Variants in PCMTD1 observed in about 807,000 individuals in gnomAD.
PCMTD1 encodes protein-L-isoaspartate (D-aspartate) O-methyltransferase domain containing 1, also known as protein-L-isoaspartate O-methyltransferase domain-containing protein 1.
In PCMTD1, 12 loss-of-function variants were observed where a neutral mutation model predicts 37.6. The ratio of observed to expected loss-of-function variants is 0.32; its 90% CI spans 0.20 to 0.52. The LOEUF is 0.52. PCMTD1 is among the 20% of genes least tolerant of loss of function. The pLI is 0.97. For missense variants in PCMTD1, 235 were observed against 421.3 expected (o/e 0.56, Z 3.87); for synonymous variants, 117 against 135.8 (o/e 0.86, Z 0.96).
chr8:51,824,858 G>A (rs990438999), intron 5 of PCMTD1, among the ~76,000 whole-genome samples: 47 of 152,236 alleles, frequency 3.1e-4, no homozygotes, highest in Middle Eastern at 3.4e-3. Flanking sequence ...ACAGACCAAT[G>A]GAAGAGAACA....
intron 1 of PCMTD1, among the ~76,000 whole-genome samples, chr8:51,869,120 T>C (rs2038602589): frequency 6.6e-6 from 1 of 152,202 alleles, no homozygotes; most frequent in Admixed American, 6.5e-5. Context: ...GAATTGATTA[T>C]AATTGATGTA....
At chr8:51,833,473 T>C (rs1227019505) in intron 4 of PCMTD1, 45 bp downstream of exon 4, 11 of 1,490,894 alleles carry the variant, frequency 7.4e-6, no homozygotes, top group Non-Finnish European at 1.0e-5. Flanking sequence ...TTAAACAAAT[T>C]TGCTTGCTTC....
At chr8:51,846,854 A>C (rs2038228770) in intron 2 of PCMTD1, among the ~76,000 whole-genome samples, 1 of 152,220 alleles carries the variant, frequency 6.6e-6, no homozygotes, top group Non-Finnish European at 1.5e-5. Context: ...GTTCAGATAT[A>C]ATCTTAAACC....
At position 51,819,599 on chromosome 8, in the gene PCMTD1, TAACCTCA is replaced by T. The variant is rs2129271439; in HGVS notation, c.*745_*751del. On this transcript the variant is annotated 3_prime_UTR_variant, in exon 6 of 6. Coordinates refer to ENST00000522514, the MANE Select transcript of PCMTD1 (RefSeq NM_052937.4). The stretch of plus-strand genomic sequence containing the variant: ...CTTTTAAAATTCTATAGAGTTAAGA[TAACCTCA>T]TTTTTTTAAATACTGAAAATGTAAA... 2.2e-5 allele frequency: 1 copy of T among 45,312 alleles called. No individual in the cohort carries two copies. Among genetic ancestry groups the T allele is most frequent in the Non-Finnish European group, 1.4e-4 (1 of 7,240 alleles). 2.8% of individuals were successfully genotyped at this position (45,312 alleles called of 1,614,324 possible).
In PCMTD1 at chr8:51,848,827, CTG is replaced by C. The variant is rs545090594; in HGVS notation, c.308-3066_308-3065del. 20 of 152,164 alleles carry C rather than the reference CTG, an allele frequency of 1.3e-4. No homozygotes were observed. In the South Asian group the frequency reaches 2.5e-3, roughly 19 times the overall value. 9.4% of individuals were successfully genotyped at this position (152,164 alleles called of 1,614,324 possible). Reference sequence around the variant, plus strand: ...CATTTATGATTTTTTATAGATGAAACTGTTTAATTTTCAATGACATGGAGGCA... The same window carrying C: ...CATTTATGATTTTTTATAGATGAAACTTTAATTTTCAATGACATGGAGGCA... On this transcript the variant is annotated intron_variant, in intron 2 of 5. Coordinates refer to ENST00000522514, the MANE Select transcript of PCMTD1 (RefSeq NM_052937.4).
chr8:51,823,093 G>A (rs2037871788), intron 5 of PCMTD1, among the ~76,000 whole-genome samples: 1 of 152,154 alleles, frequency 6.6e-6, no homozygotes, highest in Non-Finnish European at 1.5e-5. Context: ...ACCCAGCATG[G>A]AAAAAGATTC....
intron 4 of PCMTD1, among the ~76,000 whole-genome samples, chr8:51,832,937 C>T (rs1319303170): frequency 6.6e-6 from 1 of 152,194 alleles, no homozygotes; most frequent in African/African-American, 2.4e-5. Flanking sequence ...CCTCAACCTC[C>T]CGGGCTCAAG....
At chr8:51,847,161 AGT>A (rs1254759337) in intron 2 of PCMTD1, among the ~76,000 whole-genome samples, 8 of 152,212 alleles carry the variant, frequency 5.3e-5, no homozygotes, top group Non-Finnish European at 1.0e-4. Flanking sequence ...AGATAAACTG[AGT>A]AAAACTAAAA....
intron 2 of PCMTD1, chr8:51,848,835 T>C (rs1234591952): frequency 6.6e-6 from 1 of 152,166 alleles, no homozygotes; most frequent in East Asian, 1.9e-4. Flanking sequence ...AACTGTTTAA[T>C]TTTCAATGAC....
At chr8:51,889,835 G>A (rs1464972199) in intron 1 of PCMTD1, among the ~76,000 whole-genome samples, 5 of 151,562 alleles carry the variant, frequency 3.3e-5, no homozygotes, top group Non-Finnish European at 5.9e-5. Flanking sequence ...CCTGAGCTGT[G>A]CACCACAAAT....
intron 1 of PCMTD1, among the ~76,000 whole-genome samples, chr8:51,874,831 G>C (rs920825421): frequency 6.6e-6 from 1 of 152,126 alleles, no homozygotes; most frequent in Non-Finnish European, 1.5e-5. Flanking sequence ...CTGATCACTT[G>C]TTTATGCCTC....
rs9298462 is a variant in PCMTD1, at chr8:51,833,593, C to T, written c.507G>A (p.Val169=). The part of the protein sequence containing the change: ...QYDRIYCGAG[V]QKDHENYMKI... ...TCATGTAGTTTTCATGGTCTTTCTGCACTCCAGCTCCACAATAAATTCGAT... is the reference window on the plus strand; with the variant it reads ...TCATGTAGTTTTCATGGTCTTTCTGTACTCCAGCTCCACAATAAATTCGAT... Residue 169 remains valine (V), a synonymous_variant, in exon 4 of 6, where the codon GTG becomes GTA. Transcript: ENST00000522514. The T allele has an allele frequency of 0.64, 1,024,116 of 1,610,820 alleles. 338,325 individuals are homozygous for T. Among genetic ancestry groups the T allele is most frequent in the Non-Finnish European group, 0.68 (800,771 of 1,178,196 alleles).
intron 3 of PCMTD1, among the ~76,000 whole-genome samples, chr8:51,838,523 GATATTTATATAT>G (rs1264027823): frequency 3.3e-5 from 5 of 151,998 alleles, no homozygotes; most frequent in African/African-American, 9.6e-5. Flanking sequence ...AATGTTTACT[GATATTTATATAT>G]ATATTTATAT....
In PCMTD1 at chr8:51,835,118, C is replaced by T. The variant is rs961241519; in HGVS notation, c.411-1429G>A. Among the ~76,000 whole-genome samples, 4 of 152,310 alleles carry T rather than the reference C, an allele frequency of 2.6e-5. No homozygotes were observed. The East Asian group carries it at 7.7e-4, about 30-fold the overall frequency. On this transcript the variant is annotated intron_variant, in intron 3 of 5. Transcript: ENST00000522514. ...TTTCCTGTCTCTGCCCCAGCCTGAA[C>T]GTACTACTCTGCAGGCAGACTGAAT...
intron 1 of PCMTD1, among the ~76,000 whole-genome samples, chr8:51,880,573 C>T (rs2038777400): frequency 3.3e-5 from 5 of 152,166 alleles, no homozygotes. Flanking sequence ...CCTCAACGTA[C>T]ATGAACAACC....
intron 3 of PCMTD1, 26 bp downstream of exon 3, chr8:51,845,635 C>T (rs372906431): frequency 4.5e-5 from 70 of 1,551,164 alleles, no homozygotes; most frequent in Non-Finnish European, 6.0e-5. Context: ...TGATTTTAAA[C>T]CAAAACTATA....
chr8:51,881,747 T>TA (rs2038795654), intron 1 of PCMTD1, among the ~76,000 whole-genome samples: 1 of 152,204 alleles, frequency 6.6e-6, no homozygotes. Flanking sequence ...GAGCTGGGCT[T>TA]AAAACCTCGG....
intron 2 of PCMTD1, among the ~76,000 whole-genome samples, chr8:51,851,213 G>C (rs2038301692): frequency 6.6e-6 from 1 of 152,116 alleles, no homozygotes; most frequent in Non-Finnish European, 1.5e-5. Flanking sequence ...CTCCAGTTTT[G>C]GGGGAGGCAT....
chr8:51,863,426 A>T lies in PCMTD1; in HGVS notation c.-95-2180T>A, dbSNP rs531171590. Among the ~76,000 whole-genome samples the T allele has an allele frequency of 3.0e-4, 46 of 152,360 alleles. 1 individual carries two copies. The South Asian group carries it at 9.5e-3, about 32-fold the overall frequency. On this transcript the variant is annotated intron_variant, in intron 1 of 5. Coordinates refer to ENST00000522514, the MANE Select transcript of PCMTD1 (RefSeq NM_052937.4). ...AAAGGCAAGAAGAAGAATGAAATAA[A>T]TAAGAACTACCACCATTTACTGACA...
Sources: gnomAD v4.1 joint callset for allele counts (sites outside exome capture counted in the v4.1 genomes callset) on GRCh38, gnomAD v4.1.1 for gene constraint, MANE v1.5 for transcripts, NCBI Gene and HGNC (gene_info 2026-07-23, HGNC 2026-07-21) for gene names.